COL17A1: variants seen among roughly 807,000 people sequenced by gnomAD.
COL17A1 encodes the protein collagen type XVII alpha 1 chain.
A neutral mutation model predicts 218.4 loss-of-function variants in COL17A1; 181 were observed. The observed-to-expected ratio is 0.83, with a 90% CI of 0.73 to 0.94. The LOEUF is 0.94. COL17A1 is among the 40% of genes least tolerant of loss of function. The pLI is 0.00. For synonymous variants in COL17A1, 721 were observed against 731.0 expected, an observed-to-expected ratio of 0.99 and a Z score of 0.22; for missense variants, 1,924 against 1,945.9, an observed-to-expected ratio of 0.99 and a Z score of 0.21.
At position 104,073,905 on chromosome 10, in the gene COL17A1, C is replaced by T. The variant is rs1403503913; in HGVS notation, c.379+279G>A. 6 of 423,790 alleles carry T rather than the reference C, an allele frequency of 1.4e-5. No individual in the cohort carries two copies. The East Asian group carries it at 2.6e-4, about 18-fold the overall frequency. The allele number at this position is 423,790 out of a possible 1,614,324, so 26.3% of individuals were successfully genotyped here. A position where few individuals can be genotyped will look rare whatever the true frequency, so the allele number is the denominator to read the frequency against. ...AAGAATCCCTACAATTATTGCTTGGCCTTAGGGGCTTATCCATCCAAGCCT... is the reference window on the plus strand; with the variant it reads ...AAGAATCCCTACAATTATTGCTTGGTCTTAGGGGCTTATCCATCCAAGCCT... On this transcript the variant is annotated intron_variant, in intron 6 of 55. Transcript: ENST00000648076.
In COL17A1 at chr10:104,037,619, C is replaced by T. The variant is rs755294015; in HGVS notation, c.3208+17G>A. The T allele has an allele frequency of 1.2e-5, 20 of 1,613,888 alleles. No individual in the cohort carries two copies. The East Asian group carries it at 1.3e-4, about 11-fold the overall frequency. On this transcript the variant is annotated intron_variant, in intron 46 of 55. Coordinates refer to ENST00000648076, the MANE Select transcript of COL17A1 (RefSeq NM_000494.4). ...CAGGAGGAAGGTGCCAGGTGCAGGG[C>T]GTGGGGAAGGGCTTACTCCGTAAGT...
chr10:104,045,045 T>G (rs1254131972), intron 33 of COL17A1, among the ~76,000 whole-genome samples: 1 of 151,854 alleles, frequency 6.6e-6, no homozygotes, highest in Non-Finnish European at 1.5e-5. Context: ...CTCCATAGAA[T>G]GTCAAAGTTC....
intron 53 of COL17A1, 73 bp downstream of exon 53, chr10:104,033,165 G>T: frequency 1.3e-6 from 2 of 1,545,180 alleles, no homozygotes; most frequent in Non-Finnish European, 1.8e-6. Context: ...TCATGAGACT[G>T]GTGTCTCTGG....
intron 41 of COL17A1, 25 bp from the exon 42 acceptor site, chr10:104,039,665 C>T: frequency 6.2e-7 from 1 of 1,614,018 alleles, no homozygotes; most frequent in Non-Finnish European, 8.5e-7. Context: ...AAGGGAGGGA[C>T]AGTCAGCCTC....
At chr10:104,057,511 A>G (rs183871523) in intron 16 of COL17A1, among the ~76,000 whole-genome samples, 76 of 72,222 alleles carry the variant, frequency 1.1e-3, no homozygotes, top group Admixed American at 5.9e-3. Flanking sequence ...TAGAGGAGTT[A>G]GCAGCACAGC....
At position 104,050,062 on chromosome 10, in the gene COL17A1, T is replaced by G. The variant is rs12258308; in HGVS notation, c.2164+27A>C. On this transcript the variant is annotated intron_variant, in intron 28 of 55. Transcript: ENST00000648076. ...GGATTTACAAAAGTCGTGGATAGAT[T>G]AAAGTAGATTCCCATGACAGACTGA... 2.5e-4 allele frequency: 401 copies of G among 1,614,058 alleles called. No homozygotes were observed. In the African/African-American group the frequency reaches 4.8e-3, roughly 19 times the overall value.
intron 40 of COL17A1, 114 bp from the exon 41 acceptor site, chr10:104,040,113 G>A: frequency 7.6e-7 from 1 of 1,309,916 alleles, no homozygotes; most frequent in Non-Finnish European, 1.1e-6. Context: ...ATAGAACTTG[G>A]GGTTCCTTGT....
At chr10:104,078,647 G>A (rs948057358) in intron 2 of COL17A1, 61 bp from the exon 3 acceptor site, 31 of 1,607,198 alleles carry the variant, frequency 1.9e-5, no homozygotes, top group Admixed American at 1.0e-4. Context: ...CTGGATCTTG[G>A]CAAGGTCTAA....
intron 32 of COL17A1, among the ~76,000 whole-genome samples, chr10:104,046,415 T>G (rs1327008499): frequency 6.6e-6 from 1 of 152,136 alleles, no homozygotes; most frequent in Non-Finnish European, 1.5e-5. Context: ...GTGGGGGAAC[T>G]TGGGCCTCTG....
At chr10:104,053,705 C>G (rs1165554029) in intron 22 of COL17A1, among the ~76,000 whole-genome samples, 1 of 152,114 alleles carries the variant, frequency 6.6e-6, no homozygotes, top group Non-Finnish European at 1.5e-5. Context: ...CGTGCATCAC[C>G]CGTAAACTGC....
intron 1 of COL17A1, among the ~76,000 whole-genome samples, chr10:104,081,538 A>G (rs987700513): frequency 9.2e-5 from 14 of 152,220 alleles, no homozygotes; most frequent in Non-Finnish European, 1.0e-4. Flanking sequence ...TCCCGTCCCA[A>G]CTGGGCTCTT....
chr10:104,076,512 C>G, intron 4 of COL17A1, 83 bp from the exon 5 acceptor site: 2 of 1,591,976 alleles, frequency 1.3e-6, no homozygotes, highest in Admixed American at 3.3e-5. Flanking sequence ...CTATATTAAC[C>G]AAGTACACTC....
Position 104,033,372 on chromosome 10 carries a change from T to C in COL17A1, c.4160A>G (p.Gln1387Arg). 1 of 1,610,534 alleles carries C rather than the reference T, an allele frequency of 6.2e-7. No individual in the cohort carries two copies. The highest frequency in any genetic ancestry group is 1.1e-5 in the South Asian group (1 of 90,086). The change falls in exon 53 of 56, where the codon CAG becomes CGG. Residue 1387 changes from glutamine (Q) to arginine (R), a missense_variant. Coordinates refer to ENST00000648076, the MANE Select transcript of COL17A1 (RefSeq NM_000494.4). ...AVRVSESMQR[Q>R]GLLQGMAYTV... ...GTAGGCCATCCCTTGCAGTAGGCCC[T>C]GACCTGTAAAACACCAGAGCTTGGG...
chr10:104,053,076 G>A lies in COL17A1; in HGVS notation c.1894C>T (p.Arg632Cys). Residue 632 changes from arginine (R) to cysteine (C), a missense_variant, in exon 23 of 56, where the codon CGT becomes TGT. Arg to Cys is a radical substitution (Grantham distance 180, BLOSUM62 -3). Coordinates refer to ENST00000648076, the MANE Select transcript of COL17A1 (RefSeq NM_000494.4). The part of the protein sequence containing the change: ...QRGREGPMGP[R>C]GEAGPPGSGE... ...GATCCAGGAGGCCCTGCCTCACCAC[G>A]AGGTCCCATGGGGCCTTCTCGCCCT... The A allele has an allele frequency of 7.4e-6, 12 of 1,613,990 alleles. No individual in the cohort carries two copies. The highest frequency in any genetic ancestry group is 2.2e-5 in the East Asian group (1 of 44,856).
Position 104,062,230 on chromosome 10 carries a change from G to A in COL17A1, c.910+28C>T, listed in dbSNP as rs550626617. The A allele has an allele frequency of 1.5e-4, 248 of 1,614,180 alleles. 2 individuals are homozygous for A. In the South Asian group the frequency reaches 2.2e-3, roughly 14 times the overall value. On this transcript the variant is annotated intron_variant, in intron 12 of 55. Transcript: ENST00000648076. ...CTGCAAAGAGGTGTCACTTTCCAGC[G>A]CCTAAGCTCCAACCCTAGCCTACTG...
chr10:104,052,881 G>C, intron 23 of COL17A1, 150 bp downstream of exon 23: 3 of 975,678 alleles, frequency 3.1e-6, no homozygotes, highest in Non-Finnish European at 4.9e-6. Flanking sequence ...CGTCTCTGCA[G>C]GGCCTAGCAC....
chr10:104,063,855 T>C, intron 10 of COL17A1, 37 bp from the exon 11 acceptor site: 2 of 1,613,376 alleles, frequency 1.2e-6, no homozygotes. Flanking sequence ...GAGAGGGACA[T>C]CTGGCCCAGA....
At chr10:104,060,821 C>T (rs144550095) in intron 13 of COL17A1, among the ~76,000 whole-genome samples, 1 of 152,350 alleles carries the variant, frequency 6.6e-6, no homozygotes, top group Non-Finnish European at 1.5e-5. Flanking sequence ...CCACCACTGA[C>T]ATCAGCTTAG....
chr10:104,058,011 C>A, intron 16 of COL17A1, 135 bp downstream of exon 16: 1 of 1,362,262 alleles, frequency 7.3e-7, no homozygotes. Context: ...CCTTCTGAGC[C>A]TTTAGGGAAA....
Sources: gnomAD v4.1 joint callset for allele counts (sites outside exome capture counted in the v4.1 genomes callset) on GRCh38, gnomAD v4.1.1 for gene constraint, MANE v1.5 for transcripts, NCBI Gene and HGNC (gene_info 2026-07-23, HGNC 2026-07-21) for gene names.